The following SIGMAR1 variants were observed in gnomAD, a reference collection of about 807,000 sequenced individuals.
SIGMAR1 encodes SR31747 binding protein 1.
In SIGMAR1, 18 loss-of-function variants were observed where a neutral mutation model predicts 25.4. The observed-to-expected ratio is 0.71, with a 90% confidence interval of 0.49 to 1.05. The LOEUF (loss-of-function observed/expected upper bound fraction) is 1.05, where lower values mean the gene tolerates loss of function less well. Among genes scored for constraint, SIGMAR1 ranks in the 50% least tolerant of loss-of-function variants. SIGMAR1 has a pLI of 0.00. For synonymous variants in SIGMAR1, 125 were observed against 131.6 expected (o/e 0.95, Z 0.34); for missense variants, 249 against 301.6 (o/e 0.83, Z 1.29).
rs1489835601 is a variant in SIGMAR1, at chr9:34,637,718, G to A, written c.-21C>T. ...TGCATCCCGGCGGGCGGCCTGGCAC[G>A]GCGCAGCTCAGGAGGGAGCCGGGGC... is the stretch of plus-strand genomic sequence containing the variant. On this transcript the variant is annotated 5_prime_UTR_variant, in exon 1 of 4. Coordinates refer to ENST00000277010, the MANE Select transcript of SIGMAR1 (RefSeq NM_005866.4). 1.3e-6 allele frequency: 2 copies of A among 1,499,124 alleles called. No homozygotes were observed. The highest frequency in any genetic ancestry group is 1.4e-5 in the African/African-American group (1 of 71,964). 92.9% of individuals were successfully genotyped at this position (1,499,124 alleles called of 1,614,324 possible).
rs932631229 is a variant in SIGMAR1, at chr9:34,637,762, G to C, written c.-65C>G. ...CCGGGGCCTGAGGCTTTGCGCTCACGGCCTCGGAGCCCGCCGGCTGCCCAC... is the reference window on the plus strand; with the variant it reads ...CCGGGGCCTGAGGCTTTGCGCTCACCGCCTCGGAGCCCGCCGGCTGCCCAC... On this transcript the variant is annotated 5_prime_UTR_variant, in exon 1 of 4. Transcript: ENST00000277010. 5.8e-6 allele frequency: 7 copies of C among 1,202,652 alleles called. No individual in the cohort carries two copies. The highest frequency in any genetic ancestry group is 7.6e-6 in the Non-Finnish European group (7 of 918,134). 74.5% of individuals were successfully genotyped at this position (1,202,652 alleles called of 1,614,324 possible).
chr9:34,635,328 G>C lies in SIGMAR1; in HGVS notation c.*304C>G. 2.3e-6 allele frequency: 1 copy of C among 431,964 alleles called. No homozygotes were observed. Among genetic ancestry groups the C allele is most frequent in the South Asian group, 2.1e-5 (1 of 47,916 alleles). 26.8% of individuals were successfully genotyped at this position (431,964 alleles called of 1,614,324 possible). On this transcript the variant is annotated 3_prime_UTR_variant, in exon 4 of 4. Transcript: ENST00000277010. This position sits in a 1 kb window ranked among gnomAD's most constrained non-coding sequence, Gnocchi z 4.5. ...GCTATGGAAAGGCCTCAGTTAGTGA[G>C]TCAAGCTGTGATGTGTGTGTCTGAA...
rs754738945 is a variant in SIGMAR1, at chr9:34,637,233, G to A, written c.339C>T (p.Ser113=). 42 of 1,559,422 alleles carry A rather than the reference G, an allele frequency of 2.7e-5. No homozygotes were observed. Among genetic ancestry groups the A allele is most frequent in the Non-Finnish European group, 3.4e-5 (39 of 1,156,852 alleles). ...GCTAGCACTGACCCGAGTGGCCGCG[G>A]GAGCCCAAGGCGGTGCCGAAGAGCA... ...YVLLFGTALG[S]RGHSGRYWAE... is the part of the protein sequence containing the mutation. The change falls in exon 2 of 4, where the codon TCC becomes TCT. Residue 113 remains serine (S), a synonymous_variant. Coordinates refer to ENST00000277010, the MANE Select transcript of SIGMAR1 (RefSeq NM_005866.4).
chr9:34,637,570 G>A lies in SIGMAR1; in HGVS notation c.128C>T (p.Ala43Val). ...ACCAGCGTACTGCCGCGCCAACTGCGCTATCTCTTCGCGCTGGAAGACGAA... is the reference window on the plus strand; with the variant it reads ...ACCAGCGTACTGCCGCGCCAACTGCACTATCTCTTCGCGCTGGAAGACGAA... ...QSFVFQREEIAQLARQYAGLD... is the reference protein window; with the variant it reads ...QSFVFQREEIVQLARQYAGLD... The change falls in exon 1 of 4, where the codon GCG becomes GTG. Residue 43 changes from alanine (A) to valine (V), a missense_variant. Coordinates refer to ENST00000277010, the MANE Select transcript of SIGMAR1 (RefSeq NM_005866.4). The A allele has an allele frequency of 1.3e-6, 2 of 1,580,086 alleles. No homozygotes were observed. The highest frequency in any genetic ancestry group is 1.1e-5 in the South Asian group (1 of 87,640).
chr9:34,636,386 A>G (rs1034634322), intron 3 of SIGMAR1, among the ~76,000 whole-genome samples: 7 of 151,160 alleles, frequency 4.6e-5, no homozygotes, highest in Non-Finnish European at 8.8e-5. Context: ...GTAATCCCAG[A>G]ACTTTGGGAG....
chr9:34,637,518 G>C, intron 1 of SIGMAR1, 29 bp downstream of exon 1: 1 of 1,583,152 alleles, frequency 6.3e-7, no homozygotes, highest in South Asian at 1.1e-5. Flanking sequence ...CAGGCCGGCC[G>C]CTCCCCTCCC....
Position 34,637,557 on chromosome 9 carries a change from C to T in SIGMAR1, c.141G>A (p.Arg47=), listed in dbSNP as rs1361968709. 6.3e-7 allele frequency: 1 copy of T among 1,583,184 alleles called. No individual in the cohort carries two copies. The change falls in exon 1 of 4, where the codon CGG becomes CGA. Residue 47 remains arginine, a synonymous_variant. Coordinates refer to ENST00000277010, the MANE Select transcript of SIGMAR1 (RefSeq NM_005866.4). Reference sequence around the variant, plus strand: ...CCTCTGCCCGCTCACCAGCGTACTGCCGCGCCAACTGCGCTATCTCTTCGC... The same window carrying T: ...CCTCTGCCCGCTCACCAGCGTACTGTCGCGCCAACTGCGCTATCTCTTCGC... ...FQREEIAQLA[R]QYAGLDHELA...
chr9:34,637,405 A>C lies in SIGMAR1; in HGVS notation c.167T>G (p.Leu56Arg). The C allele has an allele frequency of 1.9e-6, 3 of 1,604,402 alleles. No individual in the cohort carries two copies. The highest frequency in any genetic ancestry group is 2.5e-6 in the Non-Finnish European group (3 of 1,179,532). Reference sequence around the variant, plus strand: ...CTCCACGATCAGACGAGAGAAGGCCAGCTCGTGGTCCAGCCCTGGCGGAGG... The same window carrying C: ...CTCCACGATCAGACGAGAGAAGGCCCGCTCGTGGTCCAGCCCTGGCGGAGG... ...ARQYAGLDHE[L>R]AFSRLIVELR... The change falls in exon 2 of 4, where the codon CTG becomes CGG. Residue 56 changes from leucine to arginine, a missense_variant. Physicochemically the swap from Leu to Arg is moderately radical, Grantham distance 102. Transcript: ENST00000277010.
At position 34,637,313 on chromosome 9, in the gene SIGMAR1, C is replaced by T. The variant is rs768933234; in HGVS notation, c.259G>A (p.Gly87Ser). Residue 87 changes from glycine to serine, a missense_variant, in exon 2 of 4, where the codon GGT (glycine) becomes AGT (serine). Coordinates refer to ENST00000277010, the MANE Select transcript of SIGMAR1 (RefSeq NM_005866.4). ...EELQWVFVNA[G>S]GWMGAMCLLH... is the part of the protein sequence containing the mutation. Reference sequence around the variant, plus strand: ...AGGCACATGGCGCCCATCCAGCCACCCGCATTCACGAACACCCACTGCAGC... The same window carrying T: ...AGGCACATGGCGCCCATCCAGCCACTCGCATTCACGAACACCCACTGCAGC... The T allele has an allele frequency of 1.4e-5, 22 of 1,599,754 alleles. No homozygotes were observed. The highest frequency in any genetic ancestry group is 1.4e-4 in the Admixed American group (8 of 59,014).
In SIGMAR1 at chr9:34,635,153, T is replaced by A. The variant is rs1338516736; in HGVS notation, c.*479A>T. On this transcript the variant is annotated 3_prime_UTR_variant, in exon 4 of 4. Coordinates refer to ENST00000277010, the MANE Select transcript of SIGMAR1 (RefSeq NM_005866.4). This position sits in a 1 kb window ranked among gnomAD's most constrained non-coding sequence, Gnocchi z 4.5. ...AGGGGAAGGGCATCATAGCTGCAGGTGAAGGGGGCCTCCAAAAGGCAGCTC... is the reference window on the plus strand; with the variant it reads ...AGGGGAAGGGCATCATAGCTGCAGGAGAAGGGGGCCTCCAAAAGGCAGCTC... 4.0e-6 allele frequency: 1 copy of A among 247,072 alleles called. No homozygotes were observed. Among genetic ancestry groups the A allele is most frequent in the African/African-American group, 2.2e-5 (1 of 44,916 alleles). 15.3% of individuals were successfully genotyped at this position (247,072 alleles called of 1,614,324 possible).
Position 34,637,542 on chromosome 9 carries a change from C to A in SIGMAR1, c.151+5G>T. ...CGCTCCCCTCCCTGCCCTCTGCCCG[C>A]TCACCAGCGTACTGCCGCGCCAACT... On this transcript the variant is annotated splice_donor_5th_base_variant and intron_variant, in intron 1 of 3. Coordinates refer to ENST00000277010, the MANE Select transcript of SIGMAR1 (RefSeq NM_005866.4). 6.3e-7 allele frequency: 1 copy of A among 1,585,352 alleles called. No individual in the cohort carries two copies. The highest frequency in any genetic ancestry group is 2.3e-5 in the East Asian group (1 of 43,512).
chr9:34,637,462 G>C, intron 1 of SIGMAR1, 42 bp from the exon 2 acceptor site: 3 of 1,588,496 alleles, frequency 1.9e-6, no homozygotes, highest in Non-Finnish European at 2.6e-6. Flanking sequence ...GCTGGCACCG[G>C]TCCTAGGTCC....
rs372751122 is a variant in SIGMAR1, at chr9:34,637,318, T to C, written c.254A>G (p.Asn85Ser). 82 of 1,601,932 alleles carry C rather than the reference T, an allele frequency of 5.1e-5. No individual in the cohort carries two copies. Among genetic ancestry groups the C allele is most frequent in the Admixed American group, 5.1e-5 (3 of 59,292 alleles). ...CATGGCGCCCATCCAGCCACCCGCATTCACGAACACCCACTGCAGCTCCTC... is the reference window on the plus strand; with the variant it reads ...CATGGCGCCCATCCAGCCACCCGCACTCACGAACACCCACTGCAGCTCCTC... ...PDEELQWVFV[N>S]AGGWMGAMCL... Residue 85 changes from asparagine (N) to serine (S), a missense_variant, in exon 2 of 4, where the codon AAT becomes AGT. Asn to Ser is a conservative substitution (Grantham distance 46, BLOSUM62 1). Transcript: ENST00000277010.
rs1820783668 is a variant in SIGMAR1, at chr9:34,634,887, C to T, written c.*745G>A. On this transcript the variant is annotated 3_prime_UTR_variant, in exon 4 of 4. Transcript: ENST00000277010. Reference sequence around the variant, plus strand: ...CAGGAAGGGCCCCTTGGAATTAGGCCCACCTGTCTAGATCCTCTCCTCAGT... The same window carrying T: ...CAGGAAGGGCCCCTTGGAATTAGGCTCACCTGTCTAGATCCTCTCCTCAGT... 1 of 154,264 alleles carries T rather than the reference C, an allele frequency of 6.5e-6. No homozygotes were observed. The highest frequency in any genetic ancestry group is 2.4e-5 in the African/African-American group (1 of 41,346). The allele number at this position is 154,264 out of a possible 1,614,324, so 9.6% of individuals were successfully genotyped here. A position where few individuals can be genotyped will look rare whatever the true frequency, so the allele number is the denominator to read the frequency against.
At position 34,635,444 on chromosome 9, in the gene SIGMAR1, A is replaced by G. The variant is rs1820808194; in HGVS notation, c.*188T>C. The G allele has an allele frequency of 3.6e-6, 3 of 833,232 alleles. No homozygotes were observed. Among genetic ancestry groups the G allele is most frequent in the Non-Finnish European group, 3.8e-6 (2 of 522,632 alleles). 51.6% of individuals were successfully genotyped at this position (833,232 alleles called of 1,614,324 possible). A position where few individuals can be genotyped will look rare whatever the true frequency, so the allele number is the denominator to read the frequency against. ...TGTACACACAGGTCTCAGTATCTAT[A>G]TGTGTCTCATTTGTTCCCATGGGTC... On this transcript the variant is annotated 3_prime_UTR_variant, in exon 4 of 4. Coordinates refer to ENST00000277010, the MANE Select transcript of SIGMAR1 (RefSeq NM_005866.4). This position sits in a 1 kb window ranked among gnomAD's most constrained non-coding sequence, Gnocchi z 4.5.
At position 34,637,102 on chromosome 9, in the gene SIGMAR1, C is replaced by A. The variant is rs370067220; in HGVS notation, c.353-13G>T. On this transcript the variant is annotated splice_polypyrimidine_tract_variant and intron_variant, in intron 2 of 3. Coordinates refer to ENST00000277010, the MANE Select transcript of SIGMAR1 (RefSeq NM_005866.4). ...GCCCAGTAGCGCCCTGAGTGACAATCGCACATGACACTATCAGGGTATTCG... is the reference window on the plus strand; with the variant it reads ...GCCCAGTAGCGCCCTGAGTGACAATAGCACATGACACTATCAGGGTATTCG... The A allele has an allele frequency of 6.2e-7, 1 of 1,613,794 alleles. No homozygotes were observed. Among genetic ancestry groups the A allele is most frequent in the Non-Finnish European group, 8.5e-7 (1 of 1,179,970 alleles).
At position 34,635,842 on chromosome 9, in the gene SIGMAR1, G is replaced by C; in HGVS notation, c.462C>G (p.His154Gln). 6.2e-7 allele frequency: 1 copy of C among 1,614,012 alleles called. No individual in the cohort carries two copies. The highest frequency in any genetic ancestry group is 8.5e-7 in the Non-Finnish European group (1 of 1,180,002). ...EVFYPGETVV[H>Q]GPGEATAVEW... ...CCACAGCTGTTGCCTCACCAGGCCC[G>C]TGTACTACCGTCTCCCCTGGGGGAC... is the stretch of plus-strand genomic sequence containing the variant. Residue 154 changes from histidine to glutamine, a missense_variant, in exon 4 of 4, where the codon CAC becomes CAG. His to Gln is a conservative substitution (Grantham distance 24). Transcript: ENST00000277010. This position sits in a 1 kb window ranked among gnomAD's most constrained non-coding sequence, Gnocchi z 4.5.
chr9:34,636,936 G>C, intron 3 of SIGMAR1, 61 bp downstream of exon 3: 2 of 1,370,166 alleles, frequency 1.5e-6, no homozygotes, highest in Non-Finnish European at 2.1e-6. Context: ...CATGCTCCCC[G>C]CAATTGTGGG....
chr9:34,635,280 G>A lies in SIGMAR1; in HGVS notation c.*352C>T. 2.7e-6 allele frequency: 1 copy of A among 366,476 alleles called. No homozygotes were observed. Among genetic ancestry groups the A allele is most frequent in the Non-Finnish European group, 5.3e-6 (1 of 190,248 alleles). The allele number at this position is 366,476 out of a possible 1,614,324, so 22.7% of individuals were successfully genotyped here. ...TTAACTCTAGAACCCCGGTTTGGTG[G>A]GGAGGAGGTGGGAAGCTGTGGAGCT... On this transcript the variant is annotated 3_prime_UTR_variant, in exon 4 of 4. Transcript: ENST00000277010. This position sits in a 1 kb window ranked among gnomAD's most constrained non-coding sequence, Gnocchi z 4.5.
Sources: allele counts gnomAD v4.1 joint callset (sites outside exome capture counted in the v4.1 genomes callset), GRCh38; gene constraint gnomAD v4.1.1; non-coding constraint Gnocchi (gnomAD v3.1); transcripts MANE v1.5; gene names NCBI Gene and HGNC (gene_info 2026-07-23, HGNC 2026-07-21).